Variants in COL4A5 observed in about 807,000 individuals in gnomAD.
COL4A5 encodes collagen alpha-5(IV) chain.
In COL4A5, 26 loss-of-function variants were observed where a neutral mutation model predicts 130.2. The ratio of observed to expected loss-of-function variants is 0.20; its 90% CI spans 0.15 to 0.28. The LOEUF is 0.28. Among genes scored for constraint, COL4A5 ranks in the 10% least tolerant of loss-of-function variants. COL4A5 has a pLI of 1.00. For synonymous variants in COL4A5, 496 were observed against 439.6 expected (o/e 1.13, Z -1.60); for missense variants, 1,131 against 1,344.3 (o/e 0.84, Z 2.48).
intron 1 of COL4A5, among the ~76,000 whole-genome samples, chrX:108,472,946 T>C (rs977821420): frequency 1.8e-5 from 2 of 112,243 alleles, no homozygotes; most frequent in African/African-American, 6.5e-5. Flanking sequence ...TTTTAGCTTT[T>C]TGATAACAGC....
At chrX:108,636,865 A>T (rs112876012) in intron 36 of COL4A5, among the ~76,000 whole-genome samples, 1 of 110,849 alleles carries the variant, frequency 9.0e-6, no homozygotes, top group Non-Finnish European at 1.9e-5. Flanking sequence ...CTACTAATGC[A>T]TGTAAATTAA....
At chrX:108,544,337 A>C (rs1365110925) in intron 2 of COL4A5, among the ~76,000 whole-genome samples, 1 of 112,170 alleles carries the variant, frequency 8.9e-6, no homozygotes, top group Non-Finnish European at 1.9e-5. Flanking sequence ...GAATTTTGTC[A>C]AAGGCCTTTT....
At chrX:108,588,975 G>GA (rs2066386377) in intron 19 of COL4A5, among the ~76,000 whole-genome samples, 1 of 111,269 alleles carries the variant, frequency 9.0e-6, no homozygotes, top group African/African-American at 3.2e-5. Flanking sequence ...ACTCCAAAAA[G>GA]AAAAAAGGGA....
intron 1 of COL4A5, among the ~76,000 whole-genome samples, chrX:108,455,409 C>G (rs977686598): frequency 2.6e-4 from 29 of 112,060 alleles, no homozygotes; most frequent in African/African-American, 6.5e-4. Flanking sequence ...CTAAATTGAG[C>G]TATAATTTCC....
At chrX:108,542,190 T>C (rs927102896) in intron 2 of COL4A5, among the ~76,000 whole-genome samples, 20 of 111,525 alleles carry the variant, frequency 1.8e-4, no homozygotes, top group African/African-American at 5.9e-4. Context: ...ACATGTGCCA[T>C]GTTGGTGTGC....
chrX:108,682,859 A>G (rs766711571), intron 47 of COL4A5, among the ~76,000 whole-genome samples: 10 of 111,550 alleles, frequency 9.0e-5, no homozygotes, highest in Non-Finnish European at 1.5e-4. Flanking sequence ...GTTCAAACTG[A>G]TGATAGTTTC....
chrX:108,677,219 A>G (rs2068320426), intron 43 of COL4A5, among the ~76,000 whole-genome samples: 1 of 112,268 alleles, frequency 8.9e-6, no homozygotes, highest in Non-Finnish European at 1.9e-5. Context: ...TTACAGAGCC[A>G]CACATTGTTA....
chrX:108,555,615 C>T (rs2147712715), intron 2 of COL4A5, among the ~76,000 whole-genome samples: 1 of 111,217 alleles, frequency 9.0e-6, no homozygotes, highest in South Asian at 3.8e-4. Context: ...TGTATTTTTC[C>T]TATCCTCAGA....
chrX:108,580,576 G>A lies in COL4A5; in HGVS notation c.824G>A (p.Arg275His), dbSNP rs749390416. Residue 275 changes from arginine to histidine, a missense_variant, in exon 14 of 53, where the codon CGT becomes CAT. By Grantham distance (29) the Arg-to-His change is conservative. Transcript: ENST00000328300. The part of the protein sequence containing the change: ...DRGPPGPPGI[R>H]GPPGPPGGEK... ...GGGCCTCCTGGACCTCCAGGGATACGTGGTCCTCCAGTAAGTACCTAAAGT... is the reference window on the plus strand; with the variant it reads ...GGGCCTCCTGGACCTCCAGGGATACATGGTCCTCCAGTAAGTACCTAAAGT... 8 of 1,207,169 alleles carry A rather than the reference G, an allele frequency of 6.6e-6. No individual in the cohort carries two copies. The East Asian group carries it at 2.4e-4, about 36-fold the overall frequency.
chrX:108,647,207 C>T (rs1182217664), intron 36 of COL4A5, among the ~76,000 whole-genome samples: 1 of 111,178 alleles, frequency 9.0e-6, no homozygotes, highest in Non-Finnish European at 1.9e-5. Flanking sequence ...TTCTTCCTAC[C>T]CATGAGCATG....
intron 1 of COL4A5, 23 bp downstream of exon 1, chrX:108,440,229 C>T: frequency 5.5e-6 from 6 of 1,082,453 alleles, no homozygotes; most frequent in South Asian, 1.9e-5. Context: ...TCCCCTCCCC[C>T]GCGCCCATCA....
At chrX:108,664,940 T>C (rs1353579592) in intron 37 of COL4A5, among the ~76,000 whole-genome samples, 3 of 112,014 alleles carry the variant, frequency 2.7e-5, no homozygotes, top group East Asian at 2.8e-4. Context: ...TCTGGAACAA[T>C]TGGAATTTCC....
Position 108,634,336 on chromosome X carries a change from G to C in COL4A5, c.3246+7987G>C, listed in dbSNP as rs140713927. On this transcript the variant is annotated intron_variant, in intron 36 of 52. Transcript: ENST00000328300. ...CACTGCCACCATTTGAGAGACTCTA[G>C]ATATGCAGCTAAGGAACTTAGTGAA... Among the ~76,000 whole-genome samples, 24 of 111,410 alleles carry C rather than the reference G, an allele frequency of 2.2e-4. 1 individual carries two copies. The East Asian group carries it at 6.7e-3, about 31-fold the overall frequency.
At chrX:108,669,231 G>T (rs1031563948) in intron 41 of COL4A5, among the ~76,000 whole-genome samples, 1 of 112,073 alleles carries the variant, frequency 8.9e-6, no homozygotes, top group Admixed American at 9.5e-5. Flanking sequence ...ACTGAGCCTA[G>T]TCACTGGTGA....
chrX:108,634,130 G>A (rs1439508467), intron 36 of COL4A5, among the ~76,000 whole-genome samples: 1 of 108,300 alleles, frequency 9.2e-6, no homozygotes, highest in Non-Finnish European at 1.9e-5. Flanking sequence ...TCACCTCCTT[G>A]TCTCCCAGTG....
chrX:108,515,113 G>GT (rs2065209514), intron 1 of COL4A5, among the ~76,000 whole-genome samples: 1 of 111,621 alleles, frequency 9.0e-6, no homozygotes, highest in Non-Finnish European at 1.9e-5. Flanking sequence ...CACTTACATA[G>GT]TTTTTTATTT....
chrX:108,617,014 CAAAT>C (rs1406131281), intron 30 of COL4A5, among the ~76,000 whole-genome samples: 1 of 110,507 alleles, frequency 9.0e-6, no homozygotes, highest in Non-Finnish European at 1.9e-5. Flanking sequence ...TATGATTCAA[CAAAT>C]AAATGAAATT....
intron 1 of COL4A5, among the ~76,000 whole-genome samples, chrX:108,529,007 A>G (rs749026598): frequency 1.8e-5 from 2 of 112,048 alleles, no homozygotes; most frequent in South Asian, 7.4e-4. Flanking sequence ...TCCATGACAC[A>G]TTATAGTCAG....
chrX:108,512,667 C>T (rs920211855), intron 1 of COL4A5, among the ~76,000 whole-genome samples: 94 of 110,806 alleles, frequency 8.5e-4, no homozygotes, highest in African/African-American at 3.0e-3. Context: ...AGGGAGTGTA[C>T]GAATAGGTGT....
Sources: gnomAD v4.1 joint callset for allele counts (sites outside exome capture counted in the v4.1 genomes callset) on GRCh38, gnomAD v4.1.1 for gene constraint, MANE v1.5 for transcripts, NCBI Gene and HGNC (gene_info 2026-07-23, HGNC 2026-07-21) for gene names.